The following COL28A1 variants were observed in gnomAD, a reference collection of about 807,000 sequenced individuals.
COL28A1 encodes collagen type XXVIII alpha 1 chain.
Under a neutral mutation model 150.2 loss-of-function variants are expected in COL28A1, and 161 were observed. That is an observed-to-expected ratio of 1.07 (90% CI 0.94 to 1.22). The LOEUF (loss-of-function observed/expected upper bound fraction) is 1.22, where lower values mean the gene tolerates loss of function less well. COL28A1 is among the 50% of genes most tolerant of loss of function. The probability of loss-of-function intolerance (pLI) is 0.00; values close to 1 mark genes in which losing one functional copy is unlikely to be tolerated. For missense variants in COL28A1, 1,617 were observed against 1,388.3 expected, an observed-to-expected ratio of 1.16 and a Z score of -2.62; for synonymous variants, 552 against 469.7, an observed-to-expected ratio of 1.18 and a Z score of -2.26.
rs73334129 is a variant in COL28A1 at position 7,432,334 on chromosome 7, T to C, written c.1998+139A>G. The C allele has an allele frequency of 9.4e-3, 6,200 of 659,374 alleles. 270 individuals are homozygous for C. The African/African-American group carries it at 0.1, about 11-fold the overall frequency. The allele number at this position is 659,374 out of a possible 1,614,324, so 40.8% of individuals were successfully genotyped here. A position where few individuals can be genotyped will look rare whatever the true frequency, so the allele number is the denominator to read the frequency against. On this transcript the variant is annotated intron_variant, in intron 25 of 34. Coordinates refer to ENST00000399429, the MANE Select transcript of COL28A1 (RefSeq NM_001037763.3). ...TCAGATTAGTTCCCCAGGAAGTCTA[T>C]AGATAAGGGCAAATAACTTTATCAA...
chr7:7,406,133 G>GTA (rs1274908412), intron 27 of COL28A1, among the ~76,000 whole-genome samples: 1 of 152,154 alleles, frequency 6.6e-6, no homozygotes, highest in African/African-American at 2.4e-5. Flanking sequence ...GGCCAACCAT[G>GTA]TATACCAACC....
chr7:7,469,653 T>A (rs1427402654), intron 15 of COL28A1, among the ~76,000 whole-genome samples: 2 of 103,340 alleles, frequency 1.9e-5, no homozygotes, highest in African/African-American at 7.8e-5. Flanking sequence ...CATTGCCAAG[T>A]CAATCCCAAG....
chr7:7,537,698 A>T (rs1177187781), upstream of COL28A1, among the ~76,000 whole-genome samples: 1 of 152,202 alleles, frequency 6.6e-6, no homozygotes, highest in African/African-American at 2.4e-5. Flanking sequence ...GTTTCGAGGA[A>T]CTGAGGAAGT....
chr7:7,456,989 A>T (rs899753050), intron 15 of COL28A1, among the ~76,000 whole-genome samples: 8 of 152,338 alleles, frequency 5.3e-5, no homozygotes, highest in Non-Finnish European at 1.2e-4. Context: ...CCATGCAGAG[A>T]AACAGCCAAA....
rs768097197 is a variant in COL28A1, at chr7:7,452,324, G to A, written c.1504C>T (p.Pro502Ser). 1 of 1,604,386 alleles carries A rather than the reference G, an allele frequency of 6.2e-7. No homozygotes were observed. The highest frequency in any genetic ancestry group is 8.5e-7 in the Non-Finnish European group (1 of 1,177,778). ...RGPVGIGVQGPKGEPGSIGLP... is the reference protein window; with the variant it reads ...RGPVGIGVQGSKGEPGSIGLP... ...CTGAGCAGCAGTCAACTCACCTTTG[G>A]ACCTTGTACTCCAATTCCCACTGGT... The change falls in exon 18 of 35, where the codon CCA (proline) becomes TCA (serine). Residue 502 changes from proline to serine, a missense_variant. Physicochemically the swap from Pro to Ser is moderately conservative, Grantham distance 74. Coordinates refer to ENST00000399429, the MANE Select transcript of COL28A1 (RefSeq NM_001037763.3).
intron 9 of COL28A1, 120 bp downstream of exon 9, chr7:7,510,971 G>A (rs1781099617): frequency 1.3e-6 from 1 of 751,000 alleles, no homozygotes; most frequent in Non-Finnish European, 2.3e-6. Flanking sequence ...GTGAAAAATT[G>A]AGCCATTGAT....
At chr7:7,344,351 T>G in the COL28A1 span, among the ~76,000 whole-genome samples, 1 of 152,094 alleles carries the variant, frequency 6.6e-6, no homozygotes. Context: ...AATGAAGTAA[T>G]TTTTAGTGTG....
chr7:7,433,440 C>A (rs1785123219), intron 23 of COL28A1, among the ~76,000 whole-genome samples: 1 of 151,970 alleles, frequency 6.6e-6, no homozygotes, highest in African/African-American at 2.4e-5. Flanking sequence ...TCAAGACCAG[C>A]CTGGCCAACA....
At chr7:7,416,620 G>A (rs1784089229) in intron 27 of COL28A1, among the ~76,000 whole-genome samples, 1 of 152,190 alleles carries the variant, frequency 6.6e-6, no homozygotes, top group African/African-American at 2.4e-5. Context: ...GAGTGTTGCT[G>A]TATTTTCTTT....
At chr7:7,371,348 G>A (rs1225315172) in intron 32 of COL28A1, among the ~76,000 whole-genome samples, 2 of 152,252 alleles carry the variant, frequency 1.3e-5, no homozygotes. Flanking sequence ...ACAGCTGGGT[G>A]AGATTGAATA....
At chr7:7,375,172 CT>C (rs750255906) in intron 31 of COL28A1, among the ~76,000 whole-genome samples, 2 of 152,214 alleles carry the variant, frequency 1.3e-5, no homozygotes, top group East Asian at 3.8e-4. Flanking sequence ...GTAAATGTCA[CT>C]GAATACAAAC....
chr7:7,352,775 C>A (rs189872025), downstream of COL28A1, among the ~76,000 whole-genome samples: 1 of 152,286 alleles, frequency 6.6e-6, no homozygotes, highest in East Asian at 1.9e-4. Flanking sequence ...GTTTAAGCCA[C>A]CAAATCTGTA....
intron 27 of COL28A1, among the ~76,000 whole-genome samples, chr7:7,381,975 ATCT>A (rs549310829): frequency 6.6e-6 from 1 of 152,308 alleles, no homozygotes; most frequent in Non-Finnish European, 1.5e-5. Flanking sequence ...GGTGGGTTCC[ATCT>A]TCTTTACATT....
chr7:7,372,270 G>A (rs192119759), intron 32 of COL28A1, among the ~76,000 whole-genome samples: 29 of 151,636 alleles, frequency 1.9e-4, no homozygotes, highest in East Asian at 9.9e-4. Flanking sequence ...ATGGTGGCGC[G>A]TGCCTGTAGT....
chr7:7,527,683 A>G (rs1308929514), intron 3 of COL28A1, among the ~76,000 whole-genome samples: 1 of 152,198 alleles, frequency 6.6e-6, no homozygotes, highest in African/African-American at 2.4e-5. Flanking sequence ...AAAGGGTCTC[A>G]TGACAGCAAA....
chr7:7,401,099 C>A (rs1030123578), intron 27 of COL28A1, among the ~76,000 whole-genome samples: 1 of 150,930 alleles, frequency 6.6e-6, no homozygotes, highest in African/African-American at 2.4e-5. Context: ...CTCATCTAAT[C>A]AGCAGCACCA....
intron 27 of COL28A1, among the ~76,000 whole-genome samples, chr7:7,415,425 G>A (rs1209838883): frequency 6.6e-6 from 1 of 152,154 alleles, no homozygotes; most frequent in African/African-American, 2.4e-5. Context: ...AAGTAATTGC[G>A]GTTTTTGCCA....
intron 34 of COL28A1, among the ~76,000 whole-genome samples, chr7:7,359,107 T>C (rs757159575): frequency 6.6e-6 from 1 of 152,174 alleles, no homozygotes; most frequent in Admixed American, 6.5e-5. Flanking sequence ...TGGCTAATAC[T>C]TTTGTGGGGA....
intron 27 of COL28A1, among the ~76,000 whole-genome samples, chr7:7,385,471 T>G (rs767598737): frequency 1.3e-5 from 2 of 152,218 alleles, no homozygotes; most frequent in Non-Finnish European, 2.9e-5. Context: ...CTAGGAGTTA[T>G]ATGTTTAGAC....
Sources: gnomAD v4.1 joint callset for allele counts (sites outside exome capture counted in the v4.1 genomes callset) on GRCh38, gnomAD v4.1.1 for gene constraint, MANE v1.5 for transcripts, NCBI Gene and HGNC (gene_info 2026-07-23, HGNC 2026-07-21) for gene names.